The following GRIN2A variants were observed in gnomAD, a reference collection of about 807,000 sequenced individuals.
GRIN2A encodes glutamate ionotropic receptor NMDA type subunit 2A, also known as glutamate receptor ionotropic, NMDA 2A.
In GRIN2A, 22 loss-of-function variants were observed where a neutral mutation model predicts 113.4. The observed-to-expected ratio is 0.19, with a 90% CI of 0.14 to 0.28. The LOEUF (loss-of-function observed/expected upper bound fraction) is 0.28. GRIN2A is among the 10% of genes least tolerant of loss of function. GRIN2A has a pLI of 1.00. For synonymous variants in GRIN2A, 827 were observed against 738.4 expected (o/e 1.12, Z -1.94); for missense variants, 1,502 against 1,887.0 (o/e 0.80, Z 3.78).
At chr16:10,172,660 C>A (rs573165572) in intron 2 of GRIN2A, among the ~76,000 whole-genome samples, 3 of 152,284 alleles carry the variant, frequency 2.0e-5, no homozygotes, top group African/African-American at 7.2e-5. Context: ...CAACTGTTGC[C>A]ATAGGGGGAA....
chr16:9,990,806 C>T (rs1596395485), intron 2 of GRIN2A, among the ~76,000 whole-genome samples: 1 of 151,978 alleles, frequency 6.6e-6, no homozygotes, highest in Admixed American at 6.5e-5. Flanking sequence ...GTGGCTCACG[C>T]CTGTAATCCA....
At chr16:10,143,659 G>C (rs2049373871) in intron 2 of GRIN2A, among the ~76,000 whole-genome samples, 2 of 152,222 alleles carry the variant, frequency 1.3e-5, no homozygotes, top group South Asian at 4.2e-4. Context: ...TTAGGGAGGA[G>C]GGAGTATTAA....
chr16:9,864,293 G>A (rs1186363718), intron 4 of GRIN2A, among the ~76,000 whole-genome samples: 2 of 152,140 alleles, frequency 1.3e-5, no homozygotes, highest in African/African-American at 4.8e-5. Context: ...TTAGAAAGTG[G>A]CTAAGAGAGG....
At chr16:9,928,882 G>A (rs1022897107) in intron 3 of GRIN2A, among the ~76,000 whole-genome samples, 4 of 152,158 alleles carry the variant, frequency 2.6e-5, no homozygotes, top group Non-Finnish European at 4.4e-5. Flanking sequence ...AACTCTGCAA[G>A]GATGCACCCA....
At chr16:9,880,624 G>C (rs2043460209) in intron 4 of GRIN2A, among the ~76,000 whole-genome samples, 1 of 152,214 alleles carries the variant, frequency 6.6e-6, no homozygotes, top group Non-Finnish European at 1.5e-5. Context: ...AGTGTCACTG[G>C]AGACCATTCT....
intron 10 of GRIN2A, among the ~76,000 whole-genome samples, chr16:9,816,884 G>C (rs1052152164): frequency 6.6e-6 from 1 of 152,176 alleles, no homozygotes; most frequent in Non-Finnish European, 1.5e-5. Context: ...CTATGCTTGA[G>C]AAGCATTAGC....
chr16:10,135,891 A>G (rs895035597), intron 2 of GRIN2A, among the ~76,000 whole-genome samples: 1 of 152,166 alleles, frequency 6.6e-6, no homozygotes, highest in Non-Finnish European at 1.5e-5. Context: ...CAACCCACCT[A>G]CATTAGAGTT....
At chr16:10,024,446 C>T (rs1332917563) in intron 2 of GRIN2A, among the ~76,000 whole-genome samples, 1 of 152,180 alleles carries the variant, frequency 6.6e-6, no homozygotes, top group African/African-American at 2.4e-5. Context: ...TCTCAAACTC[C>T]CAACCTCATG....
intron 7 of GRIN2A, among the ~76,000 whole-genome samples, chr16:9,836,220 G>T (rs571568617): frequency 2.0e-5 from 3 of 152,346 alleles, no homozygotes; most frequent in African/African-American, 7.2e-5. Context: ...GAAAGTGTTT[G>T]TTCGTGTGTG....
chr16:10,133,522 G>A (rs1263979407), intron 2 of GRIN2A, among the ~76,000 whole-genome samples: 8 of 152,162 alleles, frequency 5.3e-5, no homozygotes, highest in South Asian at 2.1e-4. Flanking sequence ...CACGAGAAGC[G>A]CTTGAACCCG....
chr16:9,781,977 A>C (rs1233933082), intron 11 of GRIN2A, among the ~76,000 whole-genome samples: 1 of 152,212 alleles, frequency 6.6e-6, no homozygotes, highest in Non-Finnish European at 1.5e-5. Context: ...GTGAAAAATC[A>C]TGGACTATAA....
chr16:10,079,229 A>G (rs1439432865), intron 2 of GRIN2A, among the ~76,000 whole-genome samples: 1 of 151,894 alleles, frequency 6.6e-6, no homozygotes, highest in Non-Finnish European at 1.5e-5. Context: ...AATAACAACC[A>G]AAAAAAATGG....
intron 2 of GRIN2A, among the ~76,000 whole-genome samples, chr16:10,173,617 A>G (rs1221524274): frequency 1.3e-5 from 2 of 152,196 alleles, no homozygotes; most frequent in South Asian, 2.1e-4. Flanking sequence ...TCAATCAACA[A>G]ACATTTACCG....
intron 2 of GRIN2A, among the ~76,000 whole-genome samples, chr16:10,035,501 C>T (rs1320057644): frequency 6.6e-6 from 1 of 152,200 alleles, no homozygotes; most frequent in African/African-American, 2.4e-5. Context: ...TCCCTCAAGG[C>T]ACATCTCATG....
chr16:9,900,856 T>C (rs1317352928), intron 3 of GRIN2A, among the ~76,000 whole-genome samples: 2 of 152,170 alleles, frequency 1.3e-5, no homozygotes, highest in Admixed American at 6.5e-5. Context: ...GCTCACATAA[T>C]GAGCTTCTAA....
intron 2 of GRIN2A, among the ~76,000 whole-genome samples, chr16:10,123,364 G>A (rs992031354): frequency 2.0e-5 from 3 of 152,074 alleles, no homozygotes; most frequent in African/African-American, 7.2e-5. Flanking sequence ...GATCAACTAT[G>A]CAAGCTCAAC....
chr16:9,934,705 A>AAAG (rs2044671747), intron 3 of GRIN2A, among the ~76,000 whole-genome samples: 2 of 146,644 alleles, frequency 1.4e-5, no homozygotes, highest in African/African-American at 5.1e-5. Context: ...AAAAAAAAAA[A>AAAG]GGAGATATAA....
At chr16:10,099,102 A>G (rs1226305977) in intron 2 of GRIN2A, among the ~76,000 whole-genome samples, 2 of 152,228 alleles carry the variant, frequency 1.3e-5, no homozygotes, top group Non-Finnish European at 2.9e-5. Context: ...CACAGCAAAG[A>G]AATTTCTAAC....
At chr16:9,814,221 G>A (rs2042143854) in intron 10 of GRIN2A, among the ~76,000 whole-genome samples, 1 of 152,110 alleles carries the variant, frequency 6.6e-6, no homozygotes, top group Non-Finnish European at 1.5e-5. Flanking sequence ...ATTCTCCCCT[G>A]AACCATAACC....
Sources: allele counts gnomAD v4.1 joint callset (sites outside exome capture counted in the v4.1 genomes callset), GRCh38; gene constraint gnomAD v4.1.1; transcripts MANE v1.5; gene names NCBI Gene and HGNC (gene_info 2026-07-23, HGNC 2026-07-21).